The following SUGCT variants were observed in gnomAD, a reference collection of about 807,000 sequenced individuals.
SUGCT encodes succinyl-CoA:glutarate-CoA transferase, also known as succinyl-CoA:glutarate CoA-transferase.
A neutral mutation model predicts 55.0 loss-of-function variants in SUGCT; 41 were observed. The observed-to-expected ratio is 0.74, with a 90% CI of 0.58 to 0.97. The LOEUF (loss-of-function observed/expected upper bound fraction) is 0.97. SUGCT is among the 50% of genes least tolerant of loss of function. SUGCT has a pLI of 0.00. For missense variants in SUGCT, 568 were observed against 547.8 expected, an observed-to-expected ratio of 1.04 and a Z score of -0.37; for synonymous variants, 187 against 200.4, an observed-to-expected ratio of 0.93 and a Z score of 0.56.
intron 1 of SUGCT, among the ~76,000 whole-genome samples, chr7:40,168,085 G>A (rs1441737000): frequency 2.6e-5 from 4 of 152,144 alleles, no homozygotes; most frequent in African/African-American, 7.2e-5. Flanking sequence ...TTGTATTTTA[G>A]TGAGCCCTCT....
intron 11 of SUGCT, among the ~76,000 whole-genome samples, chr7:40,490,861 C>G (rs1187968944): frequency 6.6e-6 from 1 of 152,056 alleles, no homozygotes; most frequent in Non-Finnish European, 1.5e-5. Flanking sequence ...AGATTTTCTG[C>G]AAGACATACA....
At chr7:40,789,788 A>G (rs529513112) in intron 13 of SUGCT, among the ~76,000 whole-genome samples, 2 of 152,182 alleles carry the variant, frequency 1.3e-5, no homozygotes, top group African/African-American at 2.4e-5. Context: ...CCTTTTGTTT[A>G]TAAAGCACTG....
intron 13 of SUGCT, among the ~76,000 whole-genome samples, chr7:40,848,481 T>G (rs1793692576): frequency 6.6e-6 from 1 of 152,196 alleles, no homozygotes; most frequent in African/African-American, 2.4e-5. Flanking sequence ...TGAGACTTTT[T>G]CCTCAGTGCC....
chr7:40,415,242 C>T (rs1213219812), intron 9 of SUGCT, among the ~76,000 whole-genome samples: 18 of 130,768 alleles, frequency 1.4e-4, no homozygotes, highest in Admixed American at 1.1e-3. Context: ...TGCACTCCAA[C>T]GTGGAGACAG....
intron 9 of SUGCT, among the ~76,000 whole-genome samples, chr7:40,337,924 G>A (rs1796809754): frequency 1.3e-5 from 2 of 152,150 alleles, no homozygotes; most frequent in East Asian, 1.9e-4. Context: ...TCATTCAGGA[G>A]CTCTTGTAGG....
At chr7:40,636,384 T>C (rs1351968668) in intron 12 of SUGCT, among the ~76,000 whole-genome samples, 4 of 151,540 alleles carry the variant, frequency 2.6e-5, no homozygotes, top group Non-Finnish European at 5.9e-5. Context: ...GGGGAGGGAG[T>C]CAGGTGGAAG....
chr7:40,505,109 A>G (rs1332998054), intron 12 of SUGCT, among the ~76,000 whole-genome samples: 2 of 152,180 alleles, frequency 1.3e-5, no homozygotes, highest in African/African-American at 4.8e-5. Flanking sequence ...TCTTACCAGT[A>G]TGAAGGTATC....
chr7:40,148,762 A>G (rs1788396584), intron 1 of SUGCT, among the ~76,000 whole-genome samples: 1 of 152,236 alleles, frequency 6.6e-6, no homozygotes, highest in African/African-American at 2.4e-5. Flanking sequence ...GATTCTGATG[A>G]AAGAGGTTAT....
intron 9 of SUGCT, among the ~76,000 whole-genome samples, chr7:40,350,690 G>A (rs1405870194): frequency 2.6e-5 from 4 of 152,014 alleles, no homozygotes; most frequent in African/African-American, 9.7e-5. Context: ...TATGCAGAAT[G>A]TGTAGGTTTG....
At chr7:40,624,016 G>GT (rs1222823198) in intron 12 of SUGCT, among the ~76,000 whole-genome samples, 1 of 152,182 alleles carries the variant, frequency 6.6e-6, no homozygotes, top group Non-Finnish European at 1.5e-5. Context: ...GTGGTTCATA[G>GT]TAAATCAATC....
intron 9 of SUGCT, among the ~76,000 whole-genome samples, chr7:40,322,297 C>A (rs1364224822): frequency 6.6e-6 from 1 of 152,166 alleles, no homozygotes; most frequent in Non-Finnish European, 1.5e-5. Flanking sequence ...TTCTCCTTTT[C>A]AAGAGCAATG....
intron 12 of SUGCT, among the ~76,000 whole-genome samples, chr7:40,724,164 C>A (rs549740222): frequency 6.6e-6 from 1 of 152,298 alleles, no homozygotes; most frequent in Admixed American, 6.5e-5. Flanking sequence ...ATACTGTTCC[C>A]TTAATCGGAG....
At position 40,204,917 on chromosome 7, in the gene SUGCT, C is replaced by T. The variant is rs190963174; in HGVS notation, c.484+9857C>T. On this transcript the variant is annotated intron_variant, in intron 6 of 13. Coordinates refer to ENST00000335693, the MANE Select transcript of SUGCT (RefSeq NM_001193313.2). ...GCAGTGAGCTCTGATTGCACCACTG[C>T]ACTCCAACCTGGGTGACAGAGTGAG... Among the ~76,000 whole-genome samples, 815 of 152,024 alleles carry T rather than the reference C, an allele frequency of 5.4e-3. 2 individuals are homozygous for T. Among genetic ancestry groups the T allele is most frequent in the Admixed American group, 0.011 (165 of 15,278 alleles).
Position 40,433,176 on chromosome 7 carries a change from T to C in SUGCT, c.817-16111T>C, listed in dbSNP as rs191934811. 3.0e-3 allele frequency among the ~76,000 whole-genome samples: 457 copies of C among 152,276 alleles called. 2 individuals are homozygous for C. Among genetic ancestry groups the C allele is most frequent in the Non-Finnish European group, 5.1e-3 (349 of 68,014 alleles). On this transcript the variant is annotated intron_variant, in intron 9 of 13. Transcript: ENST00000335693. Reference sequence around the variant, plus strand: ...CTTCATTATGTGTTGTGTCTCCTTGTGGAGCTTCTCATTTTGTTTATGTAT... The same window carrying C: ...CTTCATTATGTGTTGTGTCTCCTTGCGGAGCTTCTCATTTTGTTTATGTAT...
chr7:40,404,740 A>ATTT (rs1786268267), intron 9 of SUGCT, among the ~76,000 whole-genome samples: 3 of 151,816 alleles, frequency 2.0e-5, no homozygotes, highest in Admixed American at 2.0e-4. Flanking sequence ...CTCAGACTCC[A>ATTT]CTTGAATTTG....
intron 8 of SUGCT, among the ~76,000 whole-genome samples, chr7:40,299,346 G>A (rs964214723): frequency 6.6e-6 from 1 of 152,168 alleles, no homozygotes; most frequent in African/African-American, 2.4e-5. Context: ...TGATCCCAGT[G>A]CAGTGGTGTG....
At chr7:40,906,653 G>A in the SUGCT span, among the ~76,000 whole-genome samples, 1 of 152,184 alleles carries the variant, frequency 6.6e-6, no homozygotes, top group Admixed American at 6.5e-5. Flanking sequence ...AAATATGCAA[G>A]AGGATGTGCG....
intron 7 of SUGCT, among the ~76,000 whole-genome samples, chr7:40,255,382 C>G (rs1451942181): frequency 6.6e-6 from 1 of 151,812 alleles, no homozygotes; most frequent in Admixed American, 6.6e-5. Flanking sequence ...CAGGCTGAGG[C>G]TGGGCACAGT....
At chr7:40,252,315 C>T (rs1790484644) in intron 7 of SUGCT, among the ~76,000 whole-genome samples, 1 of 151,974 alleles carries the variant, frequency 6.6e-6, no homozygotes, top group Non-Finnish European at 1.5e-5. Context: ...CTAGGAGTTT[C>T]ACCATGTTAC....
Sources: allele counts gnomAD v4.1 joint callset (sites outside exome capture counted in the v4.1 genomes callset), GRCh38; gene constraint gnomAD v4.1.1; transcripts MANE v1.5; gene names NCBI Gene and HGNC (gene_info 2026-07-23, HGNC 2026-07-21).